RIT2: variants seen among roughly 807,000 people sequenced by gnomAD.
The protein encoded by RIT2 is Ras like without CAAX 2.
RIT2 carries 24 observed loss-of-function variants against 23.7 expected under a neutral mutation model. That is an observed-to-expected ratio of 1.01 (90% CI 0.73 to 1.43). The LOEUF (loss-of-function observed/expected upper bound fraction) is 1.43. RIT2 is among the 40% of genes most tolerant of loss of function. The pLI is 0.00. For synonymous variants in RIT2, 107 were observed against 91.1 expected (o/e 1.17, Z -0.99); for missense variants, 236 against 266.9 (o/e 0.88, Z 0.81).
intron 2 of RIT2, among the ~76,000 whole-genome samples, chr18:43,028,253 GTC>G (rs1911777470): frequency 6.6e-6 from 1 of 152,056 alleles, no homozygotes; most frequent in African/African-American, 2.4e-5. Flanking sequence ...GTGATCAGAG[GTC>G]TCTCTGAGGA....
intron 4 of RIT2, among the ~76,000 whole-genome samples, chr18:42,792,460 A>G (rs1914065136): frequency 6.6e-6 from 1 of 152,164 alleles, no homozygotes; most frequent in Non-Finnish European, 1.5e-5. Context: ...CTATTTTCCA[A>G]TCTGTTCTAG....
At chr18:42,918,082 A>G (rs1908959218) in intron 4 of RIT2, among the ~76,000 whole-genome samples, 1 of 152,114 alleles carries the variant, frequency 6.6e-6, no homozygotes, top group South Asian at 2.1e-4. Context: ...ACATACCCAT[A>G]CTCAAATTGT....
At chr18:43,045,614 T>C (rs1912228286) in intron 1 of RIT2, among the ~76,000 whole-genome samples, 1 of 152,194 alleles carries the variant, frequency 6.6e-6, no homozygotes, top group Non-Finnish European at 1.5e-5. Flanking sequence ...ATCCTACTTG[T>C]AACAATTTTG....
At chr18:43,078,075 T>C (rs1347174176) in intron 1 of RIT2, among the ~76,000 whole-genome samples, 1 of 152,226 alleles carries the variant, frequency 6.6e-6, no homozygotes, top group East Asian at 1.9e-4. Context: ...TCCTGTGACC[T>C]GGCCCAATTT....
At chr18:42,995,347 A>G (rs1910955971) in intron 2 of RIT2, among the ~76,000 whole-genome samples, 1 of 151,758 alleles carries the variant, frequency 6.6e-6, no homozygotes, top group Non-Finnish European at 1.5e-5. Context: ...TTTACTCAAC[A>G]TGCCCTGAGT....
At chr18:43,040,649 A>G (rs1325021969) in intron 1 of RIT2, among the ~76,000 whole-genome samples, 2 of 152,196 alleles carry the variant, frequency 1.3e-5, no homozygotes, top group African/African-American at 2.4e-5. Flanking sequence ...TCTATTATCA[A>G]AACTCAGTTA....
At chr18:43,108,502 G>A (rs1913880680) in intron 1 of RIT2, among the ~76,000 whole-genome samples, 1 of 152,106 alleles carries the variant, frequency 6.6e-6, no homozygotes, top group African/African-American at 2.4e-5. Flanking sequence ...GCAAATGCGT[G>A]AACGTAAAGA....
chr18:43,051,393 G>C (rs1912380127), intron 1 of RIT2, among the ~76,000 whole-genome samples: 1 of 152,040 alleles, frequency 6.6e-6, no homozygotes, highest in Non-Finnish European at 1.5e-5. Flanking sequence ...GAATAGATGA[G>C]GTATGGAAGA....
chr18:42,999,405 C>T (rs952944304), intron 2 of RIT2, among the ~76,000 whole-genome samples: 1 of 151,948 alleles, frequency 6.6e-6, no homozygotes, highest in East Asian at 1.9e-4. Context: ...AAAGAAACTA[C>T]CTGGAAGTGT....
At chr18:42,784,446 T>G (rs1401482275) in intron 4 of RIT2, among the ~76,000 whole-genome samples, 2 of 152,008 alleles carry the variant, frequency 1.3e-5, no homozygotes, top group East Asian at 3.9e-4. Context: ...ATTTCTTCTG[T>G]TGTAGAATGG....
chr18:42,950,653 G>A (rs1909828355), intron 3 of RIT2, among the ~76,000 whole-genome samples: 1 of 151,766 alleles, frequency 6.6e-6, no homozygotes, highest in Admixed American at 6.6e-5. Context: ...ATCTGACAAA[G>A]GTCTAAATAT....
Position 42,974,094 on chromosome 18 carries a change from TG to T in RIT2, c.213del (p.Asp71GlufsTer79), listed in dbSNP as rs1324786001. 1 of 1,611,450 alleles carries T rather than the reference TG, an allele frequency of 6.2e-7. No individual in the cohort carries two copies. The highest frequency in any genetic ancestry group is 8.5e-7 in the Non-Finnish European group (1 of 1,178,424). On this transcript the variant is annotated frameshift_variant, in exon 3 of 5. Coordinates refer to ENST00000326695, the MANE Select transcript of RIT2 (RefSeq NM_002930.4). LOFTEE classifies it high-confidence loss of function. Reference protein sequence around the residue: ...VRIDNEPAYLDILDTAGQAEF... With the variant: ...VRIDNEPAYLXILDTAGQAEF... Reference sequence around the variant, plus strand: ...CCTACCTGGCCAGCAGTGTCCAAGATGTCCAAGTAAGCTGGCTCATTGTCAA... The same window carrying T: ...CCTACCTGGCCAGCAGTGTCCAAGATTCCAAGTAAGCTGGCTCATTGTCAA...
chr18:42,792,151 A>G (rs1914057955), intron 4 of RIT2, among the ~76,000 whole-genome samples: 1 of 152,192 alleles, frequency 6.6e-6, no homozygotes. Flanking sequence ...CTTGGTTCCA[A>G]CTATACAAAA....
chr18:43,030,142 T>A (rs1911821205), intron 2 of RIT2, among the ~76,000 whole-genome samples: 1 of 152,106 alleles, frequency 6.6e-6, no homozygotes, highest in African/African-American at 2.4e-5. Context: ...ATTTGACAGA[T>A]AATTATCTAA....
At chr18:43,113,775 T>C (rs537823727) in intron 1 of RIT2, among the ~76,000 whole-genome samples, 2 of 152,266 alleles carry the variant, frequency 1.3e-5, no homozygotes, top group Admixed American at 1.3e-4. Flanking sequence ...AGCAAATACC[T>C]AACCAGCAAA....
chr18:43,058,896 G>GA (rs1225184489), intron 1 of RIT2, among the ~76,000 whole-genome samples: 1 of 151,810 alleles, frequency 6.6e-6, no homozygotes, highest in African/African-American at 2.4e-5. Context: ...TCTCAAGAAA[G>GA]AAAAAAATAG....
At chr18:43,085,139 A>G (rs1341010788) in intron 1 of RIT2, among the ~76,000 whole-genome samples, 6 of 152,136 alleles carry the variant, frequency 3.9e-5, no homozygotes, top group African/African-American at 7.2e-5. Context: ...AAAAGTATTT[A>G]TTGACTACTC....
intron 1 of RIT2, among the ~76,000 whole-genome samples, chr18:43,054,504 C>A (rs1912454522): frequency 6.6e-6 from 1 of 151,918 alleles, no homozygotes; most frequent in East Asian, 1.9e-4. Flanking sequence ...TAATTACACA[C>A]CAGAGGGTTC....
intron 4 of RIT2, among the ~76,000 whole-genome samples, chr18:42,856,943 C>T (rs1907201376): frequency 1.3e-5 from 2 of 150,540 alleles, no homozygotes; most frequent in African/African-American, 4.9e-5. Context: ...GTTCTCCTGC[C>T]TCAGCCTCCG....
Sources: gnomAD v4.1 joint callset for allele counts (sites outside exome capture counted in the v4.1 genomes callset) on GRCh38, gnomAD v4.1.1 for gene constraint, MANE v1.5 for transcripts, NCBI Gene and HGNC (gene_info 2026-07-23, HGNC 2026-07-21) for gene names.